Variants in CFAP91 observed in about 807,000 individuals in gnomAD.
CFAP91 encodes cilia and flagella associated protein 91.
A neutral mutation model predicts 95.9 loss-of-function variants in CFAP91; 85 were observed. The observed-to-expected ratio is 0.89, with a 90% confidence interval of 0.74 to 1.06. CFAP91 has a LOEUF of 1.06. Among genes scored for constraint, CFAP91 ranks in the 50% least tolerant of loss-of-function variants. The pLI is 0.00. For synonymous variants in CFAP91, 335 were observed against 327.5 expected (o/e 1.02, Z -0.25); for missense variants, 962 against 943.4 (o/e 1.02, Z -0.26).
chr3:119,729,700 C>G (rs902692134), intron 7 of CFAP91, among the ~76,000 whole-genome samples: 3 of 152,098 alleles, frequency 2.0e-5, no homozygotes, highest in Non-Finnish European at 1.5e-5. Context: ...AGATAACAGT[C>G]ATCTGTGCAT....
Position 119,703,226 on chromosome 3 carries a change from A to G in CFAP91, c.124+4A>G, listed in dbSNP as rs753176456. Reference sequence around the variant, plus strand: ...CGAGCGTATGATTTTCTGTACGGTAAGGACCGCCGCAGACCTTCCTCCGCG... The same window carrying G: ...CGAGCGTATGATTTTCTGTACGGTAGGGACCGCCGCAGACCTTCCTCCGCG... On this transcript the variant is annotated splice_donor_region_variant and intron_variant, in intron 1 of 17. Coordinates refer to ENST00000273390, the MANE Select transcript of CFAP91 (RefSeq NM_033364.4). 6.3e-5 allele frequency: 101 copies of G among 1,611,484 alleles called. No homozygotes were observed. The highest frequency in any genetic ancestry group is 1.7e-6 in the Non-Finnish European group (2 of 1,178,972).
In CFAP91 at chr3:119,715,369, G is replaced by A. The variant is rs543494111; in HGVS notation, c.501-193G>A. 1.7e-5 allele frequency: 12 copies of A among 700,066 alleles called. No homozygotes were observed. The African/African-American group carries it at 2.1e-4, about 12-fold the overall frequency. 43.4% of individuals were successfully genotyped at this position (700,066 alleles called of 1,614,324 possible). A position where few individuals can be genotyped will look rare whatever the true frequency, so the allele number is the denominator to read the frequency against. Reference sequence around the variant, plus strand: ...ACCCACTTAGTTTCCTGGCAGAGGTGAGAATAACAAGGCAATTCTCTCAAG... The same window carrying A: ...ACCCACTTAGTTTCCTGGCAGAGGTAAGAATAACAAGGCAATTCTCTCAAG... On this transcript the variant is annotated intron_variant, in intron 5 of 17. Transcript: ENST00000273390.
chr3:119,728,819 G>C (rs542059568), intron 7 of CFAP91, among the ~76,000 whole-genome samples: 1 of 152,246 alleles, frequency 6.6e-6, no homozygotes, highest in South Asian at 2.1e-4. Context: ...TTCCCCACCT[G>C]TTCCCTCTTT....
chr3:119,729,180 C>T (rs978694287), intron 7 of CFAP91, among the ~76,000 whole-genome samples: 3 of 152,098 alleles, frequency 2.0e-5, no homozygotes, highest in Non-Finnish European at 4.4e-5. Context: ...GTGATATGAC[C>T]AGACATGAGC....
intron 10 of CFAP91, among the ~76,000 whole-genome samples, chr3:119,736,189 C>T (rs180754931): frequency 1.6e-4 from 24 of 152,020 alleles, no homozygotes; most frequent in Admixed American, 1.5e-3. Flanking sequence ...CCAAAACAAA[C>T]CCCATGCCTA....
chr3:119,724,980 A>G (rs1321743184), intron 6 of CFAP91, among the ~76,000 whole-genome samples: 1 of 151,496 alleles, frequency 6.6e-6, no homozygotes, highest in Non-Finnish European at 1.5e-5. Flanking sequence ...TAAAAGCATA[A>G]ACATTGCAAA....
At chr3:119,709,353 C>A (rs954116879) in intron 4 of CFAP91, among the ~76,000 whole-genome samples, 1 of 152,102 alleles carries the variant, frequency 6.6e-6, no homozygotes, top group African/African-American at 2.4e-5. Context: ...ACTGACTTTT[C>A]CAGAGAAATG....
intron 2 of CFAP91, 91 bp from the exon 3 acceptor site, chr3:119,707,313 A>C: frequency 1.0e-6 from 1 of 975,936 alleles, no homozygotes; most frequent in Non-Finnish European, 1.5e-6. Flanking sequence ...ATTGTTTTGT[A>C]TGTTTTTAAA....
At chr3:119,759,233 T>C (rs1482928617) in intron 17 of CFAP91, among the ~76,000 whole-genome samples, 6 of 152,008 alleles carry the variant, frequency 3.9e-5, no homozygotes, top group African/African-American at 1.4e-4. Context: ...TTTATTTATA[T>C]AAAGTTCAAA....
intron 6 of CFAP91, among the ~76,000 whole-genome samples, chr3:119,717,555 T>G (rs1460327858): frequency 2.0e-5 from 3 of 151,870 alleles, no homozygotes; most frequent in Non-Finnish European, 2.9e-5. Context: ...CGTTGGTTTT[T>G]TTTTTTTTTT....
At chr3:119,704,648 T>G (rs1416349326) in intron 1 of CFAP91, among the ~76,000 whole-genome samples, 1 of 152,212 alleles carries the variant, frequency 6.6e-6, no homozygotes, top group East Asian at 1.9e-4. Flanking sequence ...TGAATTTAAA[T>G]TTAACTGGGC....
chr3:119,732,370 T>C lies in CFAP91; in HGVS notation c.1095T>C (p.Ser365=). Reference sequence around the variant, plus strand: ...GAAGAAATATCATCAAGGATTATTCTGATTATGCATCACAGGTCTATGGAC... The same window carrying C: ...GAAGAAATATCATCAAGGATTATTCCGATTATGCATCACAGGTCTATGGAC... ...LERRNIIKDY[S]DYASQVYGPL... Residue 365 remains serine (S), a synonymous_variant, in exon 9 of 18, where the codon TCT becomes TCC. Coordinates refer to ENST00000273390, the MANE Select transcript of CFAP91 (RefSeq NM_033364.4). The C allele has an allele frequency of 6.2e-7, 1 of 1,612,710 alleles. No homozygotes were observed.
chr3:119,766,054 A>C lies in CFAP91; in HGVS notation c.*1004A>C, dbSNP rs548836498. ...GGGCTAAGATGGGAAAAATATAAAAAGATTTAAAATCCAGCAACAAAATTT... is the reference window on the plus strand; with the variant it reads ...GGGCTAAGATGGGAAAAATATAAAACGATTTAAAATCCAGCAACAAAATTT... On this transcript the variant is annotated 3_prime_UTR_variant, in exon 18 of 18. Transcript: ENST00000273390. 1 of 152,358 alleles carries C rather than the reference A, an allele frequency of 6.6e-6. No homozygotes were observed. The highest frequency in any genetic ancestry group is 2.1e-4 in the South Asian group (1 of 4,834). The allele number at this position is 152,358 out of a possible 1,614,324, so 9.4% of individuals were successfully genotyped here. A position where few individuals can be genotyped will look rare whatever the true frequency, so the allele number is the denominator to read the frequency against.
chr3:119,731,645 A>AT (rs2107886718), intron 8 of CFAP91, among the ~76,000 whole-genome samples: 1 of 152,336 alleles, frequency 6.6e-6, no homozygotes, highest in African/African-American at 2.4e-5. Context: ...TTGCAGCATG[A>AT]CGTCACGATC....
chr3:119,716,174 C>G (rs1248960935), intron 6 of CFAP91, among the ~76,000 whole-genome samples: 1 of 152,208 alleles, frequency 6.6e-6, no homozygotes, highest in East Asian at 1.9e-4. Context: ...CCCTTATATA[C>G]TTTATTAGAT....
chr3:119,710,028 C>T, intron 5 of CFAP91, 133 bp downstream of exon 5: 2 of 688,894 alleles, frequency 2.9e-6, no homozygotes, highest in Non-Finnish European at 5.1e-6. Flanking sequence ...GGTATGAAAT[C>T]TTCTAGTGTG....
intron 1 of CFAP91, among the ~76,000 whole-genome samples, chr3:119,704,899 G>A (rs748550870): frequency 3.3e-5 from 5 of 152,166 alleles, no homozygotes; most frequent in Admixed American, 6.5e-5. Context: ...ACAGTATTCA[G>A]TACAATAACA....
intron 14 of CFAP91, among the ~76,000 whole-genome samples, chr3:119,746,249 A>G (rs1485541032): frequency 3.9e-5 from 6 of 152,222 alleles, no homozygotes; most frequent in Non-Finnish European, 7.3e-5. Flanking sequence ...TTACTATAAT[A>G]CATGGCTTCT....
At chr3:119,709,081 A>G (rs1194472156) in intron 4 of CFAP91, among the ~76,000 whole-genome samples, 2 of 152,230 alleles carry the variant, frequency 1.3e-5, no homozygotes, top group Non-Finnish European at 2.9e-5. Flanking sequence ...CTTGTGTTCA[A>G]AGGGATAACA....
Sources: allele counts gnomAD v4.1 joint callset (sites outside exome capture counted in the v4.1 genomes callset), GRCh38; gene constraint gnomAD v4.1.1; transcripts MANE v1.5; gene names NCBI Gene and HGNC (gene_info 2026-07-23, HGNC 2026-07-21).